The following DHRSX variants were observed in gnomAD, a reference collection of about 807,000 sequenced individuals.
DHRSX encodes polyprenol dehydrogenase.
Under a neutral mutation model 34.0 loss-of-function variants are expected in DHRSX, and 31 were observed. The observed-to-expected ratio is 0.91, with a 90% CI of 0.69 to 1.23. The LOEUF is 1.23. DHRSX is among the 50% of genes most tolerant of loss of function. The pLI is 0.00. For synonymous variants in DHRSX, 201 were observed against 183.8 expected (o/e 1.09, Z -0.76); for missense variants, 414 against 428.1 (o/e 0.97, Z 0.29).
At chrX:2,309,772 G>A (rs1247077033) in intron 3 of DHRSX, among the ~76,000 whole-genome samples, 1 of 152,110 alleles carries the variant, frequency 6.6e-6, no homozygotes, top group East Asian at 1.9e-4. Flanking sequence ...AATTATCTGA[G>A]TGTGGTGGTG....
At chrX:2,232,854 G>A (rs541398749) in intron 6 of DHRSX, among the ~76,000 whole-genome samples, 1 of 152,050 alleles carries the variant, frequency 6.6e-6, no homozygotes, top group Non-Finnish European at 1.5e-5. Context: ...TTACAGGCAT[G>A]AGCCATCGTG....
chrX:2,224,721 C>A (rs2015599824), intron 6 of DHRSX, among the ~76,000 whole-genome samples: 1 of 152,096 alleles, frequency 6.6e-6, no homozygotes, highest in Admixed American at 6.6e-5. Context: ...CACACACATA[C>A]TCATGCATAC....
At chrX:2,314,318 G>A (rs1389904642) in intron 3 of DHRSX, among the ~76,000 whole-genome samples, 1 of 44,624 alleles carries the variant, frequency 2.2e-5, no homozygotes, top group African/African-American at 1.2e-4. Flanking sequence ...GAGGGAGGCA[G>A]GGAGGGAAGG....
chrX:2,350,794 A>G (rs2042780036), intron 3 of DHRSX, among the ~76,000 whole-genome samples: 1 of 152,154 alleles, frequency 6.6e-6, no homozygotes, highest in Non-Finnish European at 1.5e-5. Context: ...GTTTATTGCA[A>G]TACTATTTAT....
At chrX:2,490,117 C>A in intron 1 of DHRSX, 1 of 1,613,948 alleles carries the variant, frequency 6.2e-7, no homozygotes, top group South Asian at 1.1e-5. Flanking sequence ...TCTCACTCCT[C>A]CACATGTCGG....
chrX:2,452,474 C>A (rs1226281540), intron 1 of DHRSX, among the ~76,000 whole-genome samples: 4 of 151,804 alleles, frequency 2.6e-5, no homozygotes, highest in African/African-American at 9.7e-5. Flanking sequence ...CATGTACACA[C>A]TGAAGACGTT....
intron 3 of DHRSX, among the ~76,000 whole-genome samples, chrX:2,397,661 A>G (rs1176838601): frequency 6.6e-6 from 1 of 150,970 alleles, no homozygotes; most frequent in Non-Finnish European, 1.5e-5. Flanking sequence ...TTTTAACAAC[A>G]CTCATTAATT....
chrX:2,488,644 G>A, intron 1 of DHRSX: 1 of 1,601,226 alleles, frequency 6.2e-7, no homozygotes, highest in Non-Finnish European at 8.5e-7. Context: ...GCTACAGGAA[G>A]CTGCTGTCCC....
chrX:2,496,659 G>T (rs969979221), intron 1 of DHRSX, among the ~76,000 whole-genome samples: 57 of 151,926 alleles, frequency 3.8e-4, no homozygotes, highest in African/African-American at 1.2e-3. Flanking sequence ...AGCTAAAAGA[G>T]ATTTTAAATG....
intron 1 of DHRSX, among the ~76,000 whole-genome samples, chrX:2,430,876 T>C (rs183894123): frequency 1.3e-5 from 2 of 151,784 alleles, no homozygotes; most frequent in African/African-American, 4.8e-5. Flanking sequence ...TACAAAAAAA[T>C]TAGCCAGGCA....
At chrX:2,325,558 C>T (rs1235564948) in intron 3 of DHRSX, among the ~76,000 whole-genome samples, 2 of 152,096 alleles carry the variant, frequency 1.3e-5, no homozygotes, top group Non-Finnish European at 2.9e-5. Context: ...TTTGCATAAC[C>T]GATTAGGGTG....
intron 3 of DHRSX, among the ~76,000 whole-genome samples, chrX:2,341,405 C>T (rs1437647242): frequency 6.6e-6 from 1 of 152,128 alleles, no homozygotes; most frequent in African/African-American, 2.4e-5. Context: ...TCCTGCCTCT[C>T]CCAGCTCCTG....
At chrX:2,420,060 G>T (rs1198474450) in intron 2 of DHRSX, among the ~76,000 whole-genome samples, 1 of 152,170 alleles carries the variant, frequency 6.6e-6, no homozygotes, top group Non-Finnish European at 1.5e-5. Context: ...TAGGGACATG[G>T]ATGAACTTGA....
intron 3 of DHRSX, among the ~76,000 whole-genome samples, chrX:2,353,492 G>T (rs2042811999): frequency 6.6e-6 from 1 of 152,014 alleles, no homozygotes; most frequent in Non-Finnish European, 1.5e-5. Flanking sequence ...AGGACAAAGG[G>T]TCACTAAGAA....
intron 1 of DHRSX, among the ~76,000 whole-genome samples, chrX:2,435,323 G>A (rs1240017202): frequency 6.6e-6 from 1 of 152,188 alleles, no homozygotes; most frequent in Non-Finnish European, 1.5e-5. Context: ...TTGCCTGAAT[G>A]TGAATATCCT....
chrX:2,330,189 C>A (rs1235211616), intron 3 of DHRSX, among the ~76,000 whole-genome samples: 1 of 132,082 alleles, frequency 7.6e-6, no homozygotes, highest in Admixed American at 8.3e-5. Flanking sequence ...GGAGGAGAAG[C>A]AGGAGGAGGG....
At chrX:2,399,049 T>C (rs903625750) in intron 3 of DHRSX, among the ~76,000 whole-genome samples, 2 of 151,740 alleles carry the variant, frequency 1.3e-5, no homozygotes, top group African/African-American at 4.8e-5. Context: ...AGAGACGGGG[T>C]TTCACTGTGT....
intron 1 of DHRSX, among the ~76,000 whole-genome samples, chrX:2,496,454 C>T (rs1024180880): frequency 3.3e-5 from 5 of 152,194 alleles, no homozygotes; most frequent in African/African-American, 1.2e-4. Flanking sequence ...CCGCCTCAGC[C>T]TCCCAAAGTG....
intron 1 of DHRSX, chrX:2,486,452 T>C (rs753489764): frequency 1.1e-4 from 17 of 152,328 alleles, no homozygotes; most frequent in South Asian, 2.1e-4. Context: ...CTCTGGTTTA[T>C]TGAACAACAG....
Sources: allele counts gnomAD v4.1 joint callset (sites outside exome capture counted in the v4.1 genomes callset), GRCh38; gene constraint gnomAD v4.1.1; transcripts MANE v1.5; gene names NCBI Gene and HGNC (gene_info 2026-07-23, HGNC 2026-07-21).